The following PGAM5 variants were observed in gnomAD, a reference collection of about 807,000 sequenced individuals.
The protein encoded by PGAM5 is serine/threonine-protein phosphatase PGAM5, mitochondrial.
Under a neutral mutation model 30.6 loss-of-function variants are expected in PGAM5, and 25 were observed. The ratio of observed to expected loss-of-function variants is 0.82; its 90% CI spans 0.60 to 1.14. PGAM5 has a LOEUF of 1.14. Ranked by LOEUF, PGAM5 falls within the 50% of genes most tolerant of loss-of-function variation. The probability of loss-of-function intolerance (pLI) is 0.00; values close to 1 mark genes in which losing one functional copy is unlikely to be tolerated. For missense variants in PGAM5, 384 were observed against 408.5 expected, an observed-to-expected ratio of 0.94 and a Z score of 0.52; for synonymous variants, 201 against 179.1, an observed-to-expected ratio of 1.12 and a Z score of -0.98.
intron 1 of PGAM5, among the ~76,000 whole-genome samples, chr12:132,714,505 C>T (rs2136080971): frequency 6.6e-6 from 1 of 152,356 alleles, no homozygotes; most frequent in Non-Finnish European, 1.5e-5. Context: ...CCGCCTGCGC[C>T]CCGATAGCCG....
intron 1 of PGAM5, 113 bp from the exon 2 acceptor site, chr12:132,714,745 C>T: frequency 7.9e-7 from 1 of 1,259,446 alleles, no homozygotes; most frequent in Non-Finnish European, 1.1e-6. Context: ...AGGGCCTTGT[C>T]TTCTCTCCAT....
intron 5 of PGAM5, among the ~76,000 whole-genome samples, 189 bp from the exon 6 acceptor site, chr12:132,720,489 A>G (rs1311583293): frequency 1.3e-5 from 2 of 151,952 alleles, no homozygotes; most frequent in African/African-American, 4.8e-5. Flanking sequence ...TTGTATTTTT[A>G]GTAGAGATGG....
intron 2 of PGAM5, 103 bp from the exon 3 acceptor site, chr12:132,717,336 G>T: frequency 7.6e-7 from 1 of 1,317,798 alleles, no homozygotes. Context: ...GGAGGAGGGG[G>T]TGTTTGAGGG....
At chr12:132,718,887 G>A (rs1488245319) in intron 5 of PGAM5, 2 of 1,606,346 alleles carry the variant, frequency 1.2e-6, no homozygotes, top group Non-Finnish European at 1.7e-6. Context: ...CTCCCCTCTG[G>A]GTCGAGGCCA....
chr12:132,710,928 T>G lies in PGAM5; in HGVS notation c.52T>G (p.Ser18Ala). ...QLAACGLAGG[S>A]AAVLFSAVAV... The stretch of plus-strand genomic sequence containing the variant: ...GGCGGCCTGCGGGCTGGCCGGGGGC[T>G]CGGCCGCCGTGCTCTTCTCGGCCGT... The change falls in exon 1 of 6, where the codon TCG (serine) becomes GCG (alanine). Residue 18 changes from serine (S) to alanine (A), a missense_variant. Coordinates refer to ENST00000498926, the MANE Select transcript of PGAM5 (RefSeq NM_001170543.2). The G allele has an allele frequency of 2.6e-6, 3 of 1,160,816 alleles. No homozygotes were observed. Among genetic ancestry groups the G allele is most frequent in the Non-Finnish European group, 2.1e-6 (2 of 943,664 alleles). The allele number at this position is 1,160,816 out of a possible 1,614,324, so 71.9% of individuals were successfully genotyped here.
At chr12:132,718,993 G>T in intron 5 of PGAM5, 1 of 1,443,552 alleles carries the variant, frequency 6.9e-7, no homozygotes. Flanking sequence ...AGAATGATCC[G>T]GGTTCAGGTT....
chr12:132,717,874 C>T (rs1452732785), intron 4 of PGAM5, 76 bp downstream of exon 4: 5 of 1,592,272 alleles, frequency 3.1e-6, no homozygotes, highest in Non-Finnish European at 2.6e-6. Flanking sequence ...GCTCACCATC[C>T]ACCACGTGCC....
At chr12:132,711,178 G>C in intron 1 of PGAM5, 111 bp downstream of exon 1, 1 of 852,012 alleles carries the variant, frequency 1.2e-6, no homozygotes. Flanking sequence ...CGGGATCTGG[G>C]GTCGCCGTCT....
chr12:132,716,519 G>A (rs949792681), intron 2 of PGAM5, among the ~76,000 whole-genome samples: 4 of 151,980 alleles, frequency 2.6e-5, no homozygotes, highest in Non-Finnish European at 4.4e-5. Context: ...GTGAGCCACC[G>A]CGCCCGGCCT....
intron 5 of PGAM5, among the ~76,000 whole-genome samples, chr12:132,720,412 ATTC>A (rs2043631699): frequency 1.3e-5 from 2 of 151,064 alleles, no homozygotes; most frequent in Non-Finnish European, 1.5e-5. Flanking sequence ...GGTTCACGCC[ATTC>A]TTCTGCCTCA....
At chr12:132,714,562 TG>T (rs2043553468) in intron 1 of PGAM5, among the ~76,000 whole-genome samples, 1 of 152,196 alleles carries the variant, frequency 6.6e-6, no homozygotes. Context: ...CAGTTGCGTT[TG>T]GGGTAGTCTG....
chr12:132,718,003 G>C lies in PGAM5; in HGVS notation c.602G>C (p.Gly201Ala), dbSNP rs1566000061. 18 of 1,612,778 alleles carry C rather than the reference G, an allele frequency of 1.1e-5. No individual in the cohort carries two copies. Among genetic ancestry groups the C allele is most frequent in the Non-Finnish European group, 1.5e-5 (18 of 1,179,964 alleles). The change falls in exon 5 of 6, where the codon GGA becomes GCA. Residue 201 changes from glycine (G) to alanine (A), a missense_variant. Coordinates refer to ENST00000498926, the MANE Select transcript of PGAM5 (RefSeq NM_001170543.2). ...KPEAVQYYED[G>A]ARIEAAFRNY... ...TGCCCCCAGCAGTATTACGAAGACG[G>C]AGCCCGGATCGAGGCCGCCTTCCGG...
At position 132,714,924 on chromosome 12, in the gene PGAM5, G is replaced by A. The variant is rs146099818; in HGVS notation, c.258G>A (p.Ala86=). The part of the protein sequence containing the change: ...RNVESGEEEL[A]SKLDHYKAKA... Reference sequence around the variant, plus strand: ...TGGAATCTGGGGAAGAAGAGCTGGCGTCCAAGCTGGACCACTACAAAGCCA... The same window carrying A: ...TGGAATCTGGGGAAGAAGAGCTGGCATCCAAGCTGGACCACTACAAAGCCA... The change falls in exon 2 of 6, where the codon GCG becomes GCA. Residue 86 remains alanine, a synonymous_variant. Coordinates refer to ENST00000498926, the MANE Select transcript of PGAM5 (RefSeq NM_001170543.2). 2.8e-5 allele frequency: 45 copies of A among 1,613,688 alleles called. No homozygotes were observed. The highest frequency in any genetic ancestry group is 1.5e-4 in the Admixed American group (9 of 60,026).
Position 132,719,226 on chromosome 12 carries a change from C to T in PGAM5, c.719+1106C>T, listed in dbSNP as rs2043619588. The T allele has an allele frequency of 2.4e-5, 27 of 1,137,826 alleles. No individual in the cohort carries two copies. The South Asian group carries it at 5.4e-4, about 23-fold the overall frequency. The allele number at this position is 1,137,826 out of a possible 1,614,324, so 70.5% of individuals were successfully genotyped here. On this transcript the variant is annotated intron_variant, in intron 5 of 5. Transcript: ENST00000498926. Reference sequence around the variant, plus strand: ...TGTGTGGGCTCCGCAGCTGAGGGGGCCCTCTTGAGTGTGACGAGTCCTGTG... The same window carrying T: ...TGTGTGGGCTCCGCAGCTGAGGGGGTCCTCTTGAGTGTGACGAGTCCTGTG...
chr12:132,712,751 C>T (rs2043535265), intron 1 of PGAM5, among the ~76,000 whole-genome samples: 1 of 151,960 alleles, frequency 6.6e-6, no homozygotes, highest in Non-Finnish European at 1.5e-5. Flanking sequence ...CCACCATGCC[C>T]AGCCTGTTAT....
intron 3 of PGAM5, 47 bp downstream of exon 3, chr12:132,717,611 CG>C: frequency 6.2e-7 from 1 of 1,602,764 alleles, no homozygotes; most frequent in Non-Finnish European, 8.5e-7. Flanking sequence ...GTGGGCGGCT[CG>C]TGGCAGGGCC....
chr12:132,716,722 T>G (rs2043581478), intron 2 of PGAM5, among the ~76,000 whole-genome samples: 1 of 152,308 alleles, frequency 6.6e-6, no homozygotes, highest in African/African-American at 2.4e-5. Context: ...AAGGTAGAGT[T>G]TACATTTTGA....
At position 132,712,119 on chromosome 12, in the gene PGAM5, A is replaced by T. The variant is rs7977467; in HGVS notation, c.191+1052A>T. On this transcript the variant is annotated intron_variant, in intron 1 of 5. Coordinates refer to ENST00000498926, the MANE Select transcript of PGAM5 (RefSeq NM_001170543.2). ...ATTTCCTCTATTATTAGCATCATAC[A>T]CTAAGCATGGTGTATATATCAAAAT... 3.1e-3 allele frequency among the ~76,000 whole-genome samples: 475 copies of T among 152,324 alleles called. 6 individuals are homozygous for T. Among genetic ancestry groups the T allele is most frequent in the African/African-American group, 0.011 (458 of 41,576 alleles).
At chr12:132,717,215 C>T (rs1048022827) in intron 2 of PGAM5, among the ~76,000 whole-genome samples, 8 of 151,936 alleles carry the variant, frequency 5.3e-5, no homozygotes, top group South Asian at 2.1e-4. Context: ...AGTTGAGTGC[C>T]GGCCCCTCTG....
Sources: allele counts gnomAD v4.1 joint callset (sites outside exome capture counted in the v4.1 genomes callset), GRCh38; gene constraint gnomAD v4.1.1; transcripts MANE v1.5; gene names NCBI Gene and HGNC (gene_info 2026-07-23, HGNC 2026-07-21).